The following NCOA3 variants were observed in gnomAD, a reference collection of about 807,000 sequenced individuals.
The protein encoded by NCOA3 is nuclear receptor coactivator 3.
NCOA3 carries 51 observed loss-of-function variants against 158.8 expected under a neutral mutation model. That is an observed-to-expected ratio of 0.32 (90% CI 0.26 to 0.41). The LOEUF is 0.41. Among genes scored for constraint, NCOA3 ranks in the 10% least tolerant of loss-of-function variants. The probability of loss-of-function intolerance (pLI) is 1.00; values close to 1 mark genes in which losing one functional copy is unlikely to be tolerated. For synonymous variants in NCOA3, 537 were observed against 592.4 expected (o/e 0.91, Z 1.36); for missense variants, 1,510 against 1,746.6 (o/e 0.86, Z 2.41).
chr20:47,525,998 C>A (rs926933124), intron 1 of NCOA3, among the ~76,000 whole-genome samples: 3 of 151,584 alleles, frequency 2.0e-5, no homozygotes, highest in African/African-American at 7.3e-5. Flanking sequence ...CTCCTCACTT[C>A]CCAGACGGGG....
intron 1 of NCOA3, among the ~76,000 whole-genome samples, chr20:47,572,046 G>A (rs2085303085): frequency 1.3e-5 from 2 of 152,062 alleles, no homozygotes; most frequent in Non-Finnish European, 1.5e-5. Context: ...TTTATGTTAT[G>A]TAGATGGGTT....
At chr20:47,537,806 C>G (rs1176625496) in intron 1 of NCOA3, among the ~76,000 whole-genome samples, 1 of 152,064 alleles carries the variant, frequency 6.6e-6, no homozygotes, top group Non-Finnish European at 1.5e-5. Context: ...GTCTTGATCT[C>G]CTGACCTGGT....
At chr20:47,612,627 A>G (rs1453704076) in intron 2 of NCOA3, among the ~76,000 whole-genome samples, 3 of 152,262 alleles carry the variant, frequency 2.0e-5, no homozygotes, top group Non-Finnish European at 2.9e-5. Flanking sequence ...ATGAGGAAGA[A>G]GTATGACTGG....
At chr20:47,596,142 A>C (rs1453699372) in intron 2 of NCOA3, among the ~76,000 whole-genome samples, 1 of 152,208 alleles carries the variant, frequency 6.6e-6, no homozygotes, top group Non-Finnish European at 1.5e-5. Context: ...TTCTTCCCGA[A>C]GTCATCCTGC....
chr20:47,552,994 T>A (rs1262576776), intron 1 of NCOA3, among the ~76,000 whole-genome samples: 1 of 151,512 alleles, frequency 6.6e-6, no homozygotes, highest in Non-Finnish European at 1.5e-5. Flanking sequence ...AGTACAGTGG[T>A]ACGATCTTGG....
chr20:47,633,483 T>A lies in NCOA3; in HGVS notation c.824-13T>A. On this transcript the variant is annotated splice_polypyrimidine_tract_variant and intron_variant, in intron 8 of 22. Coordinates refer to ENST00000371998, the MANE Select transcript of NCOA3 (RefSeq NM_181659.3). ...CTGGATATAAGTCTTTTTTTCCTTT[T>A]TTTGTTTAATAGGAAAGGTTGTCAA... 1 of 1,596,862 alleles carries A rather than the reference T, an allele frequency of 6.3e-7. No individual in the cohort carries two copies. The highest frequency in any genetic ancestry group is 1.4e-5 in the African/African-American group (1 of 73,720).
chr20:47,615,872 T>C (rs1171914087), intron 2 of NCOA3, among the ~76,000 whole-genome samples: 1 of 152,140 alleles, frequency 6.6e-6, no homozygotes, highest in Non-Finnish European at 1.5e-5. Context: ...ATTAAAGTAA[T>C]TGTGACGAGA....
At chr20:47,593,208 C>T (rs2085677992) in intron 2 of NCOA3, among the ~76,000 whole-genome samples, 2 of 152,040 alleles carry the variant, frequency 1.3e-5, no homozygotes, top group African/African-American at 2.4e-5. Context: ...GCTGGGACTA[C>T]AGGCCTGAGC....
At chr20:47,614,076 A>T (rs55900717) in intron 2 of NCOA3, among the ~76,000 whole-genome samples, 70,156 of 151,626 alleles carry the variant, frequency 0.46, 16,761 homozygotes, top group Middle Eastern at 0.59. Flanking sequence ...ACGTTATAAA[A>T]GCTCTTCCCT....
intron 1 of NCOA3, among the ~76,000 whole-genome samples, chr20:47,577,076 T>C (rs1219184743): frequency 6.6e-6 from 1 of 152,226 alleles, no homozygotes; most frequent in African/African-American, 2.4e-5. Flanking sequence ...AATCTAAAGC[T>C]AATTTAAAAA....
intron 2 of NCOA3, among the ~76,000 whole-genome samples, chr20:47,590,092 C>G (rs2085604077): frequency 6.6e-6 from 1 of 152,022 alleles, no homozygotes; most frequent in Admixed American, 6.6e-5. Context: ...CAGGTGTGAG[C>G]CACTGTGTCC....
rs763064610 is a variant in NCOA3, at chr20:47,627,976, C to T, written c.776C>T (p.Thr259Ile). The T allele has an allele frequency of 4.3e-6, 7 of 1,613,982 alleles. No homozygotes were observed. In the Admixed American group the frequency reaches 5.0e-5, roughly 12 times the overall value. The change falls in exon 8 of 23, where the codon ACA becomes ATA. Residue 259 changes from threonine (T) to isoleucine (I), a missense_variant. Around this residue, in one of 4 missense-constraint regions of NCOA3, gnomAD observed 309 missense variants for 427.1 expected, o/e 0.72. Coordinates refer to ENST00000371998, the MANE Select transcript of NCOA3 (RefSeq NM_181659.3). ...CGCCGCATTACTACAGGAGAAAGAACATTTCCATCAAACCCTGAGAGCTTT... is the reference window on the plus strand; with the variant it reads ...CGCCGCATTACTACAGGAGAAAGAATATTTCCATCAAACCCTGAGAGCTTT... ...VARRITTGER[T>I]FPSNPESFIT...
chr20:47,566,881 G>GACT (rs942125581), intron 1 of NCOA3, among the ~76,000 whole-genome samples: 5 of 152,194 alleles, frequency 3.3e-5, no homozygotes, highest in African/African-American at 1.2e-4. Flanking sequence ...GTACTTGGGA[G>GACT]ACTGAGGCAG....
At chr20:47,599,340 G>C (rs904679587) in intron 2 of NCOA3, among the ~76,000 whole-genome samples, 2 of 152,152 alleles carry the variant, frequency 1.3e-5, no homozygotes, top group East Asian at 3.8e-4. Flanking sequence ...TGGTTGTCAA[G>C]GGCAGGGGTG....
At chr20:47,570,640 T>C (rs2085276141) in intron 1 of NCOA3, among the ~76,000 whole-genome samples, 1 of 152,154 alleles carries the variant, frequency 6.6e-6, no homozygotes, top group South Asian at 2.1e-4. Flanking sequence ...CCTATTTGTG[T>C]TGATATTTTG....
chr20:47,649,069 C>T lies in NCOA3; in HGVS notation c.3611C>T (p.Ala1204Val), dbSNP rs758545305. 1.9e-5 allele frequency: 31 copies of T among 1,614,010 alleles called. No homozygotes were observed. The highest frequency in any genetic ancestry group is 1.4e-4 in the South Asian group (13 of 91,080). The change falls in exon 19 of 23, where the codon GCG becomes GTG. Residue 1204 changes from alanine (A) to valine (V), a missense_variant. Transcript: ENST00000371998. ...KMENPTAGGA[A>V]VMRPMMQPQV... ...GAAAACCCTACTGCTGGTGGTGCTG[C>T]GGTGATGAGGCCTATGATGCAGCCC...
chr20:47,504,825 T>A (rs1410256150), intron 1 of NCOA3, among the ~76,000 whole-genome samples: 1 of 151,542 alleles, frequency 6.6e-6, no homozygotes, highest in Non-Finnish European at 1.5e-5. Flanking sequence ...AAATTCTGTC[T>A]TGTGCATTAG....
chr20:47,653,534 C>A lies in NCOA3; in HGVS notation c.*117C>A. 3 of 1,219,516 alleles carry A rather than the reference C, an allele frequency of 2.5e-6. No homozygotes were observed. Among genetic ancestry groups the A allele is most frequent in the Non-Finnish European group, 3.5e-6 (3 of 846,010 alleles). 75.5% of individuals were successfully genotyped at this position (1,219,516 alleles called of 1,614,324 possible). A position where few individuals can be genotyped will look rare whatever the true frequency, so the allele number is the denominator to read the frequency against. On this transcript the variant is annotated 3_prime_UTR_variant, in exon 23 of 23. Transcript: ENST00000371998. ...CTTGGAAGAAAGGACCAGCTTTGAG[C>A]TCCATCAAGGGTATTTTAAGTGATG...
chr20:47,652,915 A>G lies in NCOA3; in HGVS notation c.4122-16A>G. On this transcript the variant is annotated splice_polypyrimidine_tract_variant and intron_variant, in intron 21 of 22. Transcript: ENST00000371998. ...AGTGACTTCCAGAGGTAATATTACC[A>G]TTTGTTTACTTACAGCTCCTTTTCC... 1 of 1,613,412 alleles carries G rather than the reference A, an allele frequency of 6.2e-7. No homozygotes were observed. The highest frequency in any genetic ancestry group is 8.5e-7 in the Non-Finnish European group (1 of 1,179,470).
Sources: gnomAD v4.1 joint callset for allele counts (sites outside exome capture counted in the v4.1 genomes callset) on GRCh38, gnomAD v4.1.1 for gene constraint, gnomAD v4.1.1 regional missense constraint, MANE v1.5 for transcripts, NCBI Gene and HGNC (gene_info 2026-07-23, HGNC 2026-07-21) for gene names.